The following NUAK1 variants were observed in gnomAD, a reference collection of about 807,000 sequenced individuals.
NUAK1 encodes NUAK family SNF1-like kinase 1.
A neutral mutation model predicts 56.9 loss-of-function variants in NUAK1; 26 were observed. That is an observed-to-expected ratio of 0.46 (90% CI 0.33 to 0.63). NUAK1 has a LOEUF of 0.63. Ranked by LOEUF, NUAK1 falls within the 30% of genes least tolerant of loss-of-function variation. The pLI is 0.02. For synonymous variants in NUAK1, 337 were observed against 336.0 expected, an observed-to-expected ratio of 1.00 and a Z score of -0.03; for missense variants, 727 against 876.1, an observed-to-expected ratio of 0.83 and a Z score of 2.15.
At chr12:106,099,615 T>C (rs546471152) in intron 2 of NUAK1, among the ~76,000 whole-genome samples, 1 of 152,136 alleles carries the variant, frequency 6.6e-6, no homozygotes, top group Non-Finnish European at 1.5e-5. Flanking sequence ...CCACCACTTA[T>C]TAGTTGGTAA....
At chr12:106,102,228 G>A (rs1479670693) in intron 2 of NUAK1, among the ~76,000 whole-genome samples, 4 of 152,162 alleles carry the variant, frequency 2.6e-5, no homozygotes, top group African/African-American at 7.2e-5. Flanking sequence ...CTGGATTCTC[G>A]TTAACCTACT....
intron 1 of NUAK1, among the ~76,000 whole-genome samples, chr12:106,130,877 C>T (rs1265032116): frequency 6.6e-6 from 1 of 152,208 alleles, no homozygotes; most frequent in African/African-American, 2.4e-5. Context: ...CACCTCGGTG[C>T]TTCCTCTCAA....
At chr12:106,119,134 A>T (rs2032948801) in intron 1 of NUAK1, among the ~76,000 whole-genome samples, 1 of 152,266 alleles carries the variant, frequency 6.6e-6, no homozygotes, top group African/African-American at 2.4e-5. Context: ...TGAGCAACAT[A>T]GATGACTGAG....
intron 2 of NUAK1, among the ~76,000 whole-genome samples, chr12:106,098,465 C>T (rs1241804846): frequency 6.6e-6 from 1 of 152,170 alleles, no homozygotes; most frequent in Non-Finnish European, 1.5e-5. Context: ...TCACAGTTAA[C>T]AAATGCCAAA....
At chr12:106,079,831 A>AGT (rs2032498574) in intron 4 of NUAK1, among the ~76,000 whole-genome samples, 2 of 152,224 alleles carry the variant, frequency 1.3e-5, no homozygotes, top group Non-Finnish European at 2.9e-5. Context: ...CTCACGGCTC[A>AGT]TTATCACTGC....
intron 1 of NUAK1, among the ~76,000 whole-genome samples, chr12:106,130,549 A>C (rs982686203): frequency 6.6e-6 from 1 of 152,238 alleles, no homozygotes; most frequent in Non-Finnish European, 1.5e-5. Flanking sequence ...TCAGCCACAG[A>C]GTATTGACAA....
At chr12:106,086,254 TTTAGA>T (rs1376662154) in intron 3 of NUAK1, among the ~76,000 whole-genome samples, 1 of 152,140 alleles carries the variant, frequency 6.6e-6, no homozygotes, top group Non-Finnish European at 1.5e-5. Flanking sequence ...TAGGAAAATA[TTTAGA>T]TTAAAGTATT....
chr12:106,110,206 G>T (rs1467220376), intron 1 of NUAK1, among the ~76,000 whole-genome samples: 1 of 152,156 alleles, frequency 6.6e-6, no homozygotes. Context: ...TCACCATTCA[G>T]CTGAACAGGG....
intron 2 of NUAK1, among the ~76,000 whole-genome samples, chr12:106,094,506 C>T (rs758607467): frequency 1.3e-5 from 2 of 152,220 alleles, no homozygotes; most frequent in Non-Finnish European, 2.9e-5. Context: ...TTCACTAAAT[C>T]GTCCTCTGAT....
chr12:106,124,099 G>A (rs1480709083), intron 1 of NUAK1, among the ~76,000 whole-genome samples: 1 of 152,092 alleles, frequency 6.6e-6, no homozygotes, highest in African/African-American at 2.4e-5. Flanking sequence ...TCTGCTTGAA[G>A]CAAAGGGGTT....
chr12:106,087,474 G>A (rs1054286952), intron 2 of NUAK1, among the ~76,000 whole-genome samples: 1 of 152,130 alleles, frequency 6.6e-6, no homozygotes, highest in African/African-American at 2.4e-5. Context: ...TGTAAAAGGG[G>A]GTTGTCCTGT....
intron 1 of NUAK1, among the ~76,000 whole-genome samples, chr12:106,137,071 A>T (rs958672102): frequency 2.8e-4 from 42 of 152,270 alleles, no homozygotes; most frequent in Admixed American, 8.5e-4. Flanking sequence ...ATTTTTTTTT[A>T]AAATAACGTT....
chr12:106,075,318 C>CACACACAG (rs142856878), intron 4 of NUAK1, among the ~76,000 whole-genome samples: 10,275 of 146,308 alleles, frequency 0.07, 578 homozygotes, highest in East Asian at 0.34. Context: ...CACACACACA[C>CACACACAG]AGAGAGAGAG....
chr12:106,075,015 C>T (rs992395698), intron 4 of NUAK1, among the ~76,000 whole-genome samples: 1 of 152,124 alleles, frequency 6.6e-6, no homozygotes, highest in African/African-American at 2.4e-5. Context: ...GCCTGGGGCA[C>T]CATATGAGCT....
intron 1 of NUAK1, among the ~76,000 whole-genome samples, chr12:106,123,612 C>T (rs957646497): frequency 2.6e-5 from 4 of 152,158 alleles, no homozygotes; most frequent in African/African-American, 9.7e-5. Context: ...CACCCAATTA[C>T]CAGATGCCCT....
At position 106,138,780 on chromosome 12, in the gene NUAK1, G is replaced by C. The variant is rs2033156041; in HGVS notation, c.-127C>G. 1.6e-6 allele frequency: 2 copies of C among 1,286,294 alleles called. No individual in the cohort carries two copies. Among genetic ancestry groups the C allele is most frequent in the Admixed American group, 6.8e-5 (2 of 29,302 alleles). 79.7% of individuals were successfully genotyped at this position (1,286,294 alleles called of 1,614,324 possible). Reference sequence around the variant, plus strand: ...CCCCGCAGCATCAGGGAGGCGGCCCGATACCGCTCGGACTGCGGCTCGGTC... The same window carrying C: ...CCCCGCAGCATCAGGGAGGCGGCCCCATACCGCTCGGACTGCGGCTCGGTC... On this transcript the variant is annotated 5_prime_UTR_variant, in exon 1 of 7. The change creates a new upstream start codon in the 5' untranslated region. Transcript: ENST00000261402. The surrounding 1 kb of genome is among the most constrained non-coding windows in gnomAD (Gnocchi z 5.0).
intron 1 of NUAK1, among the ~76,000 whole-genome samples, chr12:106,135,886 T>C (rs1260683425): frequency 6.6e-6 from 1 of 152,224 alleles, no homozygotes; most frequent in Non-Finnish European, 1.5e-5. Context: ...CCAGGCACTG[T>C]ATGGGCAAGA....
chr12:106,071,617 A>C (rs1259392824), intron 5 of NUAK1, among the ~76,000 whole-genome samples: 1 of 152,124 alleles, frequency 6.6e-6, no homozygotes, highest in African/African-American at 2.4e-5. Flanking sequence ...TGTTTGTTCA[A>C]TTTTTTTAAT....
Position 106,067,283 on chromosome 12 carries a change from G to A in NUAK1, c.1505C>T (p.Pro502Leu), listed in dbSNP as rs1279733898. 4 of 1,613,968 alleles carry A rather than the reference G, an allele frequency of 2.5e-6. No homozygotes were observed. The highest frequency in any genetic ancestry group is 1.7e-5 in the Admixed American group (1 of 60,014). The change falls in exon 7 of 7, where the codon CCC becomes CTC. Residue 502 changes from proline to leucine, a missense_variant. Pro to Leu is a moderately conservative substitution (Grantham distance 98). Coordinates refer to ENST00000261402, the MANE Select transcript of NUAK1 (RefSeq NM_014840.3). This position sits in a 1 kb window ranked among gnomAD's most constrained non-coding sequence, Gnocchi z 6.0. ...DSNDVMGSSI[P>L]SPSPPDPARV... ...GGCTGGGTCCGGGGGGCTGGGGGAGGGGATGCTGCTGCCCATCACATCATT... is the reference window on the plus strand; with the variant it reads ...GGCTGGGTCCGGGGGGCTGGGGGAGAGGATGCTGCTGCCCATCACATCATT...
Sources: allele counts gnomAD v4.1 joint callset (sites outside exome capture counted in the v4.1 genomes callset), GRCh38; gene constraint gnomAD v4.1.1; non-coding constraint Gnocchi (gnomAD v3.1); transcripts MANE v1.5; gene names NCBI Gene and HGNC (gene_info 2026-07-23, HGNC 2026-07-21).